ACBD6: variants seen among roughly 807,000 people sequenced by gnomAD.
The protein encoded by ACBD6 is acyl-CoA-binding domain-containing protein 6.
Under a neutral mutation model 37.2 loss-of-function variants are expected in ACBD6, and 28 were observed. The observed-to-expected ratio is 0.75, with a 90% CI of 0.56 to 1.03. The LOEUF is 1.03. Among genes scored for constraint, ACBD6 ranks in the 50% least tolerant of loss-of-function variants. The pLI, the probability that ACBD6 is intolerant of heterozygous loss-of-function variation, is 0.00. For missense variants in ACBD6, 340 were observed against 337.4 expected (o/e 1.01, Z -0.06); for synonymous variants, 113 against 126.8 (o/e 0.89, Z 0.73).
intron 3 of ACBD6, among the ~76,000 whole-genome samples, chr1:180,448,146 GCTAATGGCC>G (rs1438159104): frequency 6.6e-6 from 1 of 152,162 alleles, no homozygotes; most frequent in Non-Finnish European, 1.5e-5. Flanking sequence ...GTACTAATAA[GCTAATGGCC>G]CTAATGGCCT....
At chr1:180,480,038 T>C (rs977196478) in intron 3 of ACBD6, among the ~76,000 whole-genome samples, 1 of 152,092 alleles carries the variant, frequency 6.6e-6, no homozygotes, top group Admixed American at 6.6e-5. Flanking sequence ...AGCAGTCTGA[T>C]AGTACTGGAA....
intron 3 of ACBD6, among the ~76,000 whole-genome samples, chr1:180,432,627 T>C (rs574117221): frequency 6.6e-6 from 1 of 152,050 alleles, no homozygotes; most frequent in East Asian, 1.9e-4. Flanking sequence ...GATACACCCA[T>C]AAAATAGGAT....
chr1:180,446,017 G>T lies in ACBD6; in HGVS notation c.385-15755C>A, dbSNP rs1228910823. ...CTGTTTCTTAAGTGTACTTTTTTTT[G>T]GGGGGGATGGGGTCTCATTCTGTCA... On this transcript the variant is annotated intron_variant, in intron 3 of 7. Coordinates refer to ENST00000367595, the MANE Select transcript of ACBD6 (RefSeq NM_032360.4). Among the ~76,000 whole-genome samples the T allele has an allele frequency of 2.7e-5, 4 of 150,892 alleles. No individual in the cohort carries two copies. The South Asian group carries it at 6.3e-4, about 24-fold the overall frequency.
At chr1:180,452,884 T>C (rs907619306) in intron 3 of ACBD6, among the ~76,000 whole-genome samples, 1 of 152,180 alleles carries the variant, frequency 6.6e-6, no homozygotes, top group Admixed American at 6.5e-5. Flanking sequence ...AATCCCTGAA[T>C]AGACCAATAA....
exon 10 of ACBD6, chr1:180,274,856 T>G (rs1648929706): frequency 5.4e-6 from 2 of 369,914 alleles, no homozygotes; most frequent in African/African-American, 4.0e-5. Flanking sequence ...TCCCCTGCTG[T>G]TCTGCTTAGG....
intron 6 of ACBD6, among the ~76,000 whole-genome samples, chr1:180,351,345 G>A (rs987974719): frequency 5.3e-5 from 8 of 150,606 alleles, no homozygotes; most frequent in South Asian, 2.1e-4. Context: ...GCACAATCCC[G>A]GCTCACTGCA....
intron 6 of ACBD6, among the ~76,000 whole-genome samples, chr1:180,319,415 T>C (rs965361342): frequency 3.3e-5 from 5 of 152,234 alleles, no homozygotes; most frequent in Admixed American, 1.3e-4. Flanking sequence ...CATGAGGTAC[T>C]GATATAGGCA....
At chr1:180,497,766 T>A (rs1383857637) in intron 1 of ACBD6, among the ~76,000 whole-genome samples, 1 of 152,246 alleles carries the variant, frequency 6.6e-6, no homozygotes. Flanking sequence ...GCATATCTAA[T>A]GCTGCATCCA....
intron 6 of ACBD6, among the ~76,000 whole-genome samples, chr1:180,319,695 T>C (rs965317285): frequency 6.6e-6 from 1 of 152,116 alleles, no homozygotes; most frequent in African/African-American, 2.4e-5. Context: ...CCTCCTACTC[T>C]CTATCTCCAT....
At chr1:180,338,105 C>A (rs1176416187) in intron 6 of ACBD6, among the ~76,000 whole-genome samples, 1 of 152,164 alleles carries the variant, frequency 6.6e-6, no homozygotes, top group African/African-American at 2.4e-5. Context: ...GCCATACTGC[C>A]CAAGGTAATT....
intron 6 of ACBD6, among the ~76,000 whole-genome samples, chr1:180,375,304 A>G (rs1653392151): frequency 6.6e-6 from 1 of 152,178 alleles, no homozygotes. Context: ...AATATAAGAC[A>G]AAGGTGGCAT....
exon 14 of ACBD6, chr1:180,271,222 A>G (rs961908768): frequency 4.1e-5 from 32 of 784,710 alleles, no homozygotes; most frequent in Admixed American, 1.9e-4. Flanking sequence ...CAGTGCCATG[A>G]GAGTGGGGAC....
At chr1:180,342,869 TTTACAAC>T (rs1162547220) in intron 6 of ACBD6, among the ~76,000 whole-genome samples, 2 of 152,060 alleles carry the variant, frequency 1.3e-5, no homozygotes, top group African/African-American at 4.8e-5. Flanking sequence ...ACTCATCTGG[TTTACAAC>T]TTATATCAGC....
chr1:180,446,967 G>C (rs912158608), intron 3 of ACBD6, among the ~76,000 whole-genome samples: 13 of 152,094 alleles, frequency 8.5e-5, no homozygotes, highest in African/African-American at 3.1e-4. Flanking sequence ...CTTGAACCCG[G>C]GAGGGAGAGG....
intron 7 of ACBD6, among the ~76,000 whole-genome samples, chr1:180,290,873 C>T (rs942779161): frequency 3.3e-5 from 5 of 152,164 alleles, no homozygotes; most frequent in African/African-American, 7.2e-5. Flanking sequence ...GGCCTTGAAT[C>T]GGTCACACTA....
In ACBD6 at chr1:180,397,487, A is replaced by T. The variant is rs531489966; in HGVS notation, c.663+29T>A. On this transcript the variant is annotated intron_variant, in intron 6 of 7. Coordinates refer to ENST00000367595, the MANE Select transcript of ACBD6 (RefSeq NM_032360.4). ...TATGCGAATTATACTTCAATTTAAA[A>T]AATAAAAGCTCTTCTTTATCACTCT... The T allele has an allele frequency of 3.8e-6, 6 of 1,583,236 alleles. No homozygotes were observed. The East Asian group carries it at 1.3e-4, about 35-fold the overall frequency.
At chr1:180,464,838 A>T (rs1571545892) in intron 3 of ACBD6, among the ~76,000 whole-genome samples, 1 of 152,220 alleles carries the variant, frequency 6.6e-6, no homozygotes, top group East Asian at 1.9e-4. Context: ...AAAAACAGGC[A>T]TATAGACCAA....
chr1:180,486,790 G>A lies in ACBD6; in HGVS notation c.384+5479C>T, dbSNP rs74132909. On this transcript the variant is annotated intron_variant, in intron 3 of 7. Coordinates refer to ENST00000367595, the MANE Select transcript of ACBD6 (RefSeq NM_032360.4). ...TAGGAACTTCATAGTAAAGAAGTCT[G>A]GCAGACACCACCTTACCCAAGTGAT... 6.7e-3 allele frequency among the ~76,000 whole-genome samples: 1,015 copies of A among 152,266 alleles called. 17 individuals are homozygous for A. The highest frequency in any genetic ancestry group is 0.023 in the African/African-American group (969 of 41,548).
At chr1:180,354,592 G>A (rs936288514) in intron 6 of ACBD6, among the ~76,000 whole-genome samples, 3 of 152,092 alleles carry the variant, frequency 2.0e-5, no homozygotes, top group East Asian at 1.9e-4. Context: ...TTAGGGCCCC[G>A]ATAAAGTAGG....
Sources: allele counts gnomAD v4.1 joint callset (sites outside exome capture counted in the v4.1 genomes callset), GRCh38; gene constraint gnomAD v4.1.1; transcripts MANE v1.5; gene names NCBI Gene and HGNC (gene_info 2026-07-23, HGNC 2026-07-21).